The following ATAD2B variants were observed in gnomAD, a reference collection of about 807,000 sequenced individuals.
ATAD2B encodes ATPase family AAA domain containing 2B.
In ATAD2B, 40 loss-of-function variants were observed where a neutral mutation model predicts 167.6. That is an observed-to-expected ratio of 0.24 (90% CI 0.19 to 0.31). The LOEUF is 0.31. ATAD2B is among the 10% of genes least tolerant of loss of function. The pLI is 1.00. For synonymous variants in ATAD2B, 579 were observed against 596.5 expected (o/e 0.97, Z 0.43); for missense variants, 1,242 against 1,757.2 (o/e 0.71, Z 5.24).
the ATAD2B span, among the ~76,000 whole-genome samples, chr2:23,694,937 A>C: frequency 2.0e-5 from 3 of 152,176 alleles, no homozygotes; most frequent in African/African-American, 7.2e-5. Flanking sequence ...AAACTGGGTC[A>C]CAGTGGTCTC....
the ATAD2B span, among the ~76,000 whole-genome samples, chr2:23,716,589 T>A: frequency 7.9e-5 from 12 of 152,200 alleles, no homozygotes; most frequent in Non-Finnish European, 1.8e-4. Context: ...TCTTGATCCT[T>A]TCCATTGCCT....
At position 23,810,506 on chromosome 2, in the gene ATAD2B, T is replaced by C. The variant is rs867148652; in HGVS notation, c.2268-4A>G. On this transcript the variant is annotated splice_polypyrimidine_tract_variant and splice_region_variant and intron_variant, in intron 17 of 27. Coordinates refer to ENST00000238789, the MANE Select transcript of ATAD2B (RefSeq NM_017552.4). ...GGTTGGCTGATGATATGGTGACCTG[T>C]AATACATGTAAGACATAATTATTTC... is the stretch of plus-strand genomic sequence containing the variant. 3.1e-6 allele frequency: 5 copies of C among 1,610,092 alleles called. No homozygotes were observed. The highest frequency in any genetic ancestry group is 1.7e-4 in the Middle Eastern group (1 of 6,052).
chr2:23,903,062 G>A (rs974964926), intron 1 of ATAD2B, among the ~76,000 whole-genome samples: 5 of 151,858 alleles, frequency 3.3e-5, no homozygotes, highest in East Asian at 1.9e-4. Flanking sequence ...TGGCAAGACC[G>A]TGTCTCTACA....
rs901085551 is a variant in ATAD2B, at chr2:23,883,936, G to A, written c.784+829C>T. Reference sequence around the variant, plus strand: ...AAGCGGGTGGATCACCAGAGGTCAGGAGTTCAACACAAGCCTGGCCAACAA... The same window carrying A: ...AAGCGGGTGGATCACCAGAGGTCAGAAGTTCAACACAAGCCTGGCCAACAA... On this transcript the variant is annotated intron_variant, in intron 6 of 27. Transcript: ENST00000238789. Among the ~76,000 whole-genome samples, 4 of 152,122 alleles carry A rather than the reference G, an allele frequency of 2.6e-5. 1 individual carries two copies. Among genetic ancestry groups the A allele is most frequent in the Admixed American group, 1.3e-4 (2 of 15,276 alleles).
At chr2:23,758,300 C>A (rs555118519) in intron 24 of ATAD2B, among the ~76,000 whole-genome samples, 199 bp from the exon 25 acceptor site, 1 of 152,288 alleles carries the variant, frequency 6.6e-6, no homozygotes, top group East Asian at 1.9e-4. Context: ...ATGAACTCTG[C>A]AGAATAAAAC....
Position 23,750,365 on chromosome 2 carries a change from T to C in ATAD2B, c.*1681A>G, listed in dbSNP as rs1014107816. ...AGAAGGCGTTAGATGTAAATGTAAA[T>C]GCAAAGAAGCACTTTGGATTACTGC... On this transcript the variant is annotated 3_prime_UTR_variant, in exon 28 of 28. Transcript: ENST00000238789. 1 of 152,068 alleles carries C rather than the reference T, an allele frequency of 6.6e-6. No homozygotes were observed. The allele number at this position is 152,068 out of a possible 1,614,324, so 9.4% of individuals were successfully genotyped here. A position where few individuals can be genotyped will look rare whatever the true frequency, so the allele number is the denominator to read the frequency against.
chr2:23,764,307 T>A (rs866863558), intron 23 of ATAD2B, among the ~76,000 whole-genome samples: 12 of 152,232 alleles, frequency 7.9e-5, no homozygotes, highest in Non-Finnish European at 1.6e-4. Context: ...AATCCTTCAA[T>A]GATTTCTATT....
chr2:23,760,709 C>T (rs976577823), intron 24 of ATAD2B, among the ~76,000 whole-genome samples: 14 of 139,066 alleles, frequency 1.0e-4, no homozygotes, highest in African/African-American at 2.4e-4. Context: ...TACACACACA[C>T]ACACACACAC....
the ATAD2B span, chr2:23,691,609 C>G: frequency 7.2e-7 from 1 of 1,386,050 alleles, no homozygotes; most frequent in Non-Finnish European, 1.0e-6. Context: ...GAGATCTAGC[C>G]CTGTGAGGAA....
At chr2:23,731,429 C>T in the ATAD2B span, among the ~76,000 whole-genome samples, 1 of 152,130 alleles carries the variant, frequency 6.6e-6, no homozygotes, top group Non-Finnish European at 1.5e-5. Context: ...TCACTGATGA[C>T]ATCACAATAA....
chr2:23,741,107 C>T, the ATAD2B span, among the ~76,000 whole-genome samples: 6 of 151,966 alleles, frequency 3.9e-5, no homozygotes, highest in South Asian at 2.1e-4. Context: ...GAATCAATAT[C>T]GTGAAAATGG....
Position 23,754,640 on chromosome 2 carries a change from A to G in ATAD2B, c.4206+7T>C. 1.9e-6 allele frequency: 3 copies of G among 1,609,096 alleles called. No homozygotes were observed. Among genetic ancestry groups the G allele is most frequent in the Non-Finnish European group, 2.5e-6 (3 of 1,178,142 alleles). On this transcript the variant is annotated splice_region_variant and intron_variant, in intron 26 of 27. Coordinates refer to ENST00000238789, the MANE Select transcript of ATAD2B (RefSeq NM_017552.4). ...TTTAAAACTTGACTGGGAATAGCTAAGCTTACCTTCAATCTCTCACGATCA... is the reference window on the plus strand; with the variant it reads ...TTTAAAACTTGACTGGGAATAGCTAGGCTTACCTTCAATCTCTCACGATCA...
the ATAD2B span, among the ~76,000 whole-genome samples, chr2:23,700,882 G>T: frequency 6.6e-6 from 1 of 152,100 alleles, no homozygotes; most frequent in Non-Finnish European, 1.5e-5. The surrounding 1 kb of genome is among the most constrained non-coding windows in gnomAD (Gnocchi z 4.6). Context: ...GCCCTCTGAG[G>T]ACGCCTCTCA....
chr2:23,912,517 G>A (rs1573417338), intron 1 of ATAD2B, among the ~76,000 whole-genome samples: 3 of 150,878 alleles, frequency 2.0e-5, no homozygotes, highest in Non-Finnish European at 2.9e-5. Flanking sequence ...AAAAAAAAAC[G>A]AAAGGAAAAG....
chr2:23,773,533 A>G (rs1678660265), intron 22 of ATAD2B, among the ~76,000 whole-genome samples: 2 of 152,228 alleles, frequency 1.3e-5, no homozygotes, highest in Non-Finnish European at 2.9e-5. Context: ...CGGGAGGGAA[A>G]AAAAGAATAG....
chr2:23,915,713 T>C (rs1473489874), intron 1 of ATAD2B, among the ~76,000 whole-genome samples: 3 of 144,364 alleles, frequency 2.1e-5, no homozygotes, highest in Admixed American at 7.4e-5. Context: ...TGCCTCAGCC[T>C]CCCAAATAGC....
At chr2:23,884,557 G>A (rs1698415427) in intron 6 of ATAD2B, among the ~76,000 whole-genome samples, 1 of 152,098 alleles carries the variant, frequency 6.6e-6, no homozygotes, top group Non-Finnish European at 1.5e-5. Flanking sequence ...ATTACATAAT[G>A]TATAATGTGC....
intron 8 of ATAD2B, among the ~76,000 whole-genome samples, chr2:23,874,701 A>C (rs900637700): frequency 1.3e-5 from 2 of 152,054 alleles, no homozygotes; most frequent in African/African-American, 2.4e-5. Flanking sequence ...CTCAAAAAAA[A>C]AAAATAAACT....
At chr2:23,815,555 G>A (rs1383589985) in intron 17 of ATAD2B, among the ~76,000 whole-genome samples, 2 of 152,112 alleles carry the variant, frequency 1.3e-5, no homozygotes, top group African/African-American at 4.8e-5. Flanking sequence ...GAGCAATCTA[G>A]GCTTGAGAAC....
Sources: gnomAD v4.1 joint callset for allele counts (sites outside exome capture counted in the v4.1 genomes callset) on GRCh38, gnomAD v4.1.1 for gene constraint, Gnocchi (gnomAD v3.1) non-coding constraint, MANE v1.5 for transcripts, NCBI Gene and HGNC (gene_info 2026-07-23, HGNC 2026-07-21) for gene names.